CCNT1: variants seen among roughly 807,000 people sequenced by gnomAD.
CCNT1 encodes cyclin T1, also known as cyclin-T1.
CCNT1 carries 18 observed loss-of-function variants against 67.3 expected under a neutral mutation model. That is an observed-to-expected ratio of 0.27 (90% CI 0.18 to 0.40). The LOEUF is 0.40. CCNT1 is among the 10% of genes least tolerant of loss of function. The pLI is 1.00. For synonymous variants in CCNT1, 333 were observed against 310.3 expected (o/e 1.07, Z -0.77); for missense variants, 744 against 884.9 (o/e 0.84, Z 2.02).
chr12:48,700,111 A>C (rs910276365), intron 4 of CCNT1, among the ~76,000 whole-genome samples: 6 of 152,076 alleles, frequency 3.9e-5, no homozygotes, highest in African/African-American at 1.2e-4. Context: ...CAAGGTCAGG[A>C]GATCAAGACC....
chr12:48,714,560 G>C lies in CCNT1; in HGVS notation c.162-36C>G, dbSNP rs753449986. ...CAAGTTAAGATCCAAAAACAGGCAG[G>C]TATAATTCTGGAAAAGATAACCTCT... On this transcript the variant is annotated intron_variant, in intron 1 of 8. Transcript: ENST00000261900. The C allele has an allele frequency of 2.2e-6, 3 of 1,362,852 alleles. No homozygotes were observed. In the African/African-American group the frequency reaches 4.3e-5, roughly 20 times the overall value. The allele number at this position is 1,362,852 out of a possible 1,614,324, so 84.4% of individuals were successfully genotyped here. A position where few individuals can be genotyped will look rare whatever the true frequency, so the allele number is the denominator to read the frequency against.
chr12:48,704,250 A>AGGCC (rs1457118790), intron 3 of CCNT1, among the ~76,000 whole-genome samples: 3 of 152,192 alleles, frequency 2.0e-5, no homozygotes, highest in African/African-American at 4.8e-5. Context: ...GTTATGAACT[A>AGGCC]GGCCACACAG....
At chr12:48,696,239 TAAAAAAAAAAA>T (rs71080140) in intron 6 of CCNT1, 77 bp from the exon 7 acceptor site, 44 of 72,032 alleles carry the variant, frequency 6.1e-4, no homozygotes, top group Middle Eastern at 0.013. Context: ...CTCCATTATT[TAAAAAAAAAAA>T]AAAAAAAAAA....
chr12:48,703,599 A>C (rs7964848), intron 3 of CCNT1, among the ~76,000 whole-genome samples: 102,571 of 151,334 alleles, frequency 0.68, 35,109 homozygotes, highest in East Asian at 0.95. Context: ...AAAAAAAAAA[A>C]TAGTGAAACT....
At chr12:48,694,815 CTGT>C (rs1374061770) in intron 8 of CCNT1, among the ~76,000 whole-genome samples, 2 of 151,928 alleles carry the variant, frequency 1.3e-5, no homozygotes, top group Non-Finnish European at 2.9e-5. Context: ...TTTGTTGTTA[CTGT>C]TGTTTTTTGT....
At chr12:48,701,193 T>C (rs1940260115) in intron 3 of CCNT1, 120 bp from the exon 4 acceptor site, 2 of 455,158 alleles carry the variant, frequency 4.4e-6, no homozygotes, top group Middle Eastern at 4.6e-4. Flanking sequence ...AGTTAGGAGG[T>C]AGAGTTAAGA....
In CCNT1 at chr12:48,699,812, A is replaced by G. The variant is rs933064858; in HGVS notation, c.462T>C (p.His154=). The change falls in exon 5 of 9, where the codon CAT becomes CAC. Residue 154 remains histidine (H), a synonymous_variant. Transcript: ENST00000261900. ...LGFELTIDHP[H]THVVKCTQLV... ...GTTGAGTGCACTTTACTACATGAGT[A>G]TGTGGGTGATCAATTGTTAGTTCAA... 1 of 1,608,882 alleles carries G rather than the reference A, an allele frequency of 6.2e-7. No individual in the cohort carries two copies. Among genetic ancestry groups the G allele is most frequent in the Non-Finnish European group, 8.5e-7 (1 of 1,176,740 alleles).
Position 48,706,803 on chromosome 12 carries a change from C to T in CCNT1, c.244-907G>A, listed in dbSNP as rs369451944. 5.6e-4 allele frequency among the ~76,000 whole-genome samples: 85 copies of T among 152,218 alleles called. 1 individual carries two copies. The South Asian group carries it at 0.017, about 31-fold the overall frequency. On this transcript the variant is annotated intron_variant, in intron 2 of 8. Coordinates refer to ENST00000261900, the MANE Select transcript of CCNT1 (RefSeq NM_001240.4). ...CTGATATTCTAATACTTATTTGTAA[C>T]CCTGATGTCACCTATGCTATACTTT...
intron 2 of CCNT1, 79 bp downstream of exon 2, chr12:48,714,364 G>A (rs1940501943): frequency 2.3e-6 from 2 of 880,220 alleles, no homozygotes; most frequent in East Asian, 5.3e-5. Context: ...CAGTTCAGTA[G>A]CAAAGACCAA....
chr12:48,708,878 A>G (rs1202714663), intron 2 of CCNT1, among the ~76,000 whole-genome samples: 3 of 152,202 alleles, frequency 2.0e-5, no homozygotes. Flanking sequence ...CCAAGGCAGG[A>G]GGATCCCTTG....
chr12:48,700,314 G>A (rs1384914982), intron 4 of CCNT1, among the ~76,000 whole-genome samples: 3 of 119,848 alleles, frequency 2.5e-5, no homozygotes, highest in South Asian at 5.1e-4. Flanking sequence ...GCAAGACTCC[G>A]TCTCAAAAAA....
intron 2 of CCNT1, among the ~76,000 whole-genome samples, chr12:48,711,014 T>A (rs188964148): frequency 6.6e-6 from 1 of 151,834 alleles, no homozygotes; most frequent in African/African-American, 2.4e-5. Flanking sequence ...TGAGCTGAGA[T>A]CGCGCAGCCA....
intron 2 of CCNT1, among the ~76,000 whole-genome samples, chr12:48,708,771 T>C (rs758416810): frequency 1.6e-4 from 24 of 152,152 alleles, no homozygotes; most frequent in Non-Finnish European, 3.1e-4. Flanking sequence ...AAAGTACATA[T>C]TTATAAGGAG....
At chr12:48,698,076 T>G in intron 6 of CCNT1, 62 bp downstream of exon 6, 1 of 1,064,314 alleles carries the variant, frequency 9.4e-7, no homozygotes, top group South Asian at 1.6e-5. Context: ...TAGCACACTG[T>G]ATCAAACTCA....
At chr12:48,700,833 C>T (rs1283240275) in intron 4 of CCNT1, among the ~76,000 whole-genome samples, 180 bp downstream of exon 4, 1 of 152,200 alleles carries the variant, frequency 6.6e-6, no homozygotes, top group Non-Finnish European at 1.5e-5. Flanking sequence ...GCTGTACTAC[C>T]TGCATTCACT....
In CCNT1 at chr12:48,699,760, TA is replaced by T; in HGVS notation, c.496+17del. 1 of 1,562,630 alleles carries T rather than the reference TA, an allele frequency of 6.4e-7. No homozygotes were observed. Among genetic ancestry groups the T allele is most frequent in the South Asian group, 1.1e-5 (1 of 89,270 alleles). ...GGAAAACAGCTTGAGATAGTCTTCA[TA>T]AGCTGGGATTCCTTACCTCGAACAA... On this transcript the variant is annotated intron_variant, in intron 5 of 8. Coordinates refer to ENST00000261900, the MANE Select transcript of CCNT1 (RefSeq NM_001240.4).
Position 48,693,485 on chromosome 12 carries a change from A to C in CCNT1, c.1729T>G (p.Ser577Ala). 6.2e-7 allele frequency: 1 copy of C among 1,614,216 alleles called. No individual in the cohort carries two copies. The highest frequency in any genetic ancestry group is 8.5e-7 in the Non-Finnish European group (1 of 1,180,038). The change falls in exon 9 of 9, where the codon TCT becomes GCT. Residue 577 changes from serine (S) to alanine (A), a missense_variant. Transcript: ENST00000261900. The part of the protein sequence containing the change: ...SSSSTRKRGP[S>A]EETGGAVFDH... ...AACACAGCCCCTCCAGTCTCTTCAG[A>C]GGGTCCCCTTTTACGAGTAGAACTG...
Position 48,701,044 on chromosome 12 carries a change from G to T in CCNT1, c.402C>A (p.Val134=), listed in dbSNP as rs1258316590. The change falls in exon 4 of 9, where the codon GTC becomes GTA. Residue 134 remains valine, a synonymous_variant. Transcript: ENST00000261900. ...EAYLQQVQDL[V]ILESIILQTL... ...TCTGCAAAATTATGCTTTCTAAAAT[G>T]ACCAGATCTTGAACTTGTTGCAAAT... The T allele has an allele frequency of 1.3e-6, 2 of 1,590,094 alleles. No homozygotes were observed. Among genetic ancestry groups the T allele is most frequent in the South Asian group, 2.3e-5 (2 of 86,996 alleles).
intron 3 of CCNT1, chr12:48,705,521 C>T (rs1940342499): frequency 2.4e-6 from 1 of 415,112 alleles, no homozygotes; most frequent in South Asian, 3.1e-5. Context: ...GATTCTCCCA[C>T]CTTACCCTCC....
Sources: gnomAD v4.1 joint callset for allele counts (sites outside exome capture counted in the v4.1 genomes callset) on GRCh38, gnomAD v4.1.1 for gene constraint, MANE v1.5 for transcripts, NCBI Gene and HGNC (gene_info 2026-07-23, HGNC 2026-07-21) for gene names.